Variants in C11orf65 observed in about 807,000 individuals in gnomAD.
The protein encoded by C11orf65 is protein MFI.
Under a neutral mutation model 35.3 loss-of-function variants are expected in C11orf65, and 38 were observed. That is an observed-to-expected ratio of 1.08 (90% CI 0.83 to 1.41). C11orf65 has a LOEUF of 1.41. Among genes scored for constraint, C11orf65 ranks in the 40% most tolerant of loss-of-function variants. C11orf65 has a pLI of 0.00. For synonymous variants in C11orf65, 105 were observed against 114.4 expected, an observed-to-expected ratio of 0.92 and a Z score of 0.53; for missense variants, 370 against 367.1, an observed-to-expected ratio of 1.01 and a Z score of -0.06.
intron 3 of C11orf65, among the ~76,000 whole-genome samples, chr11:108,426,895 T>C (rs560820034): frequency 6.6e-6 from 1 of 152,120 alleles, no homozygotes; most frequent in South Asian, 2.1e-4. Flanking sequence ...TCTTTGACAC[T>C]ATCTCATTTT....
chr11:108,377,007 G>C (rs1163844067), intron 2 of C11orf65, among the ~76,000 whole-genome samples: 1 of 151,592 alleles, frequency 6.6e-6, no homozygotes, highest in Non-Finnish European at 1.5e-5. Flanking sequence ...CAACAAAAAA[G>C]AGTCCAGGAC....
chr11:108,316,228 ATC>A, intron 6 of C11orf65: 3 of 1,041,662 alleles, frequency 2.9e-6, no homozygotes, highest in Non-Finnish European at 4.4e-6. Flanking sequence ...ACTAGAACTT[ATC>A]TGTTTTTCAG....
chr11:108,382,336 A>G (rs2091882281), downstream of C11orf65, among the ~76,000 whole-genome samples: 1 of 152,200 alleles, frequency 6.6e-6, no homozygotes, highest in Non-Finnish European at 1.5e-5. Context: ...CATGCAGAGT[A>G]GTGAAGGCAA....
At chr11:108,400,487 T>C (rs1441702806) in intron 6 of C11orf65, among the ~76,000 whole-genome samples, 1 of 152,164 alleles carries the variant, frequency 6.6e-6, no homozygotes, top group Non-Finnish European at 1.5e-5. Context: ...GCAGGAAAGG[T>C]GATGTATCTT....
intron 8 of C11orf65, among the ~76,000 whole-genome samples, chr11:108,385,718 T>G (rs574664917): frequency 1.3e-5 from 2 of 152,278 alleles, no homozygotes; most frequent in South Asian, 4.1e-4. Context: ...AAAATCACTT[T>G]ATTCAAACTT....
At chr11:108,341,986 C>T (rs1194448678) in intron 2 of C11orf65, among the ~76,000 whole-genome samples, 1 of 152,214 alleles carries the variant, frequency 6.6e-6, no homozygotes, top group African/African-American at 2.4e-5. Flanking sequence ...CTAGAGCAGA[C>T]TTGTCCAACC....
intron 7 of C11orf65, 77 bp downstream of exon 7, chr11:108,393,131 C>T (rs2092207471): frequency 3.5e-6 from 5 of 1,425,594 alleles, no homozygotes; most frequent in South Asian, 1.6e-5. Context: ...CCCCAAGATT[C>T]AACAAGGAAA....
intron 2 of C11orf65, among the ~76,000 whole-genome samples, chr11:108,352,231 C>A (rs2089296911): frequency 6.6e-6 from 1 of 152,024 alleles, no homozygotes; most frequent in South Asian, 2.1e-4. Context: ...TTTAAAGCAG[C>A]CATCATAAAA....
Position 108,325,606 on chromosome 11 carries a change from CAGAA to C in C11orf65, c.641-16539_641-16536del, listed in dbSNP as rs1214690541. 1.6e-5 allele frequency: 22 copies of C among 1,367,980 alleles called. No individual in the cohort carries two copies. The African/African-American group carries it at 1.7e-4, about 11-fold the overall frequency. The allele number at this position is 1,367,980 out of a possible 1,614,324, so 84.7% of individuals were successfully genotyped here. A position where few individuals can be genotyped will look rare whatever the true frequency, so the allele number is the denominator to read the frequency against. ...GACTTTCCTTTTATTATTTAAAAAA[CAGAA>C]AGCCTGAGGGAAAAAGAAATGTCAT... is the stretch of plus-strand genomic sequence containing the variant. On this transcript the variant is annotated intron_variant, in intron 6 of 6. Transcript: ENST00000525729.
chr11:108,432,066 C>T (rs758781679), intron 2 of C11orf65, among the ~76,000 whole-genome samples: 2 of 152,102 alleles, frequency 1.3e-5, no homozygotes, highest in African/African-American at 2.4e-5. Flanking sequence ...TGCATCACTA[C>T]CAACTATAAA....
At chr11:108,370,289 A>G (rs932317957) in intron 2 of C11orf65, among the ~76,000 whole-genome samples, 1 of 151,928 alleles carries the variant, frequency 6.6e-6, no homozygotes, top group Admixed American at 6.6e-5. Flanking sequence ...CTATCCAGTA[A>G]CCACAGTAAG....
chr11:108,460,942 C>T (rs1271453768), intron 2 of C11orf65, among the ~76,000 whole-genome samples: 2 of 152,016 alleles, frequency 1.3e-5, no homozygotes, highest in Non-Finnish European at 2.9e-5. Flanking sequence ...TCAGGCTGGT[C>T]TCAAACTCCC....
At chr11:108,375,335 A>G (rs1257860122) in intron 2 of C11orf65, among the ~76,000 whole-genome samples, 1 of 151,906 alleles carries the variant, frequency 6.6e-6, no homozygotes, top group Non-Finnish European at 1.5e-5. Context: ...AATATTCAAC[A>G]TTCTTAAAGA....
chr11:108,459,652 A>G (rs986261367), intron 2 of C11orf65, among the ~76,000 whole-genome samples: 8 of 151,050 alleles, frequency 5.3e-5, no homozygotes, highest in African/African-American at 1.9e-4. Flanking sequence ...TCTCTTTGTT[A>G]TGGATTAACC....
At chr11:108,373,718 G>A (rs190731840) in intron 2 of C11orf65, among the ~76,000 whole-genome samples, 7 of 152,382 alleles carry the variant, frequency 4.6e-5, no homozygotes, top group Admixed American at 3.9e-4. Context: ...GAAGCAGGGC[G>A]TGGCATCGCA....
At chr11:108,330,446 C>G (rs2136467037), downstream of C11orf65, 1 of 1,610,592 alleles carries the variant, frequency 6.2e-7, no homozygotes, top group Non-Finnish European at 8.5e-7. Flanking sequence ...GCCCAATATT[C>G]TACCCTGTGC....
chr11:108,364,722 T>C (rs1056804203), intron 2 of C11orf65, among the ~76,000 whole-genome samples: 8 of 152,202 alleles, frequency 5.3e-5, no homozygotes, highest in African/African-American at 1.9e-4. Context: ...TGAGACAGCC[T>C]GGGCTGAGGA....
At chr11:108,378,049 A>C (rs1054175784), downstream of C11orf65, among the ~76,000 whole-genome samples, 5 of 151,232 alleles carry the variant, frequency 3.3e-5, no homozygotes, top group Admixed American at 1.3e-4. Context: ...GAAAATGGCC[A>C]TACTGCCCAA....
At chr11:108,398,658 C>G (rs1041712971) in intron 6 of C11orf65, among the ~76,000 whole-genome samples, 6 of 152,178 alleles carry the variant, frequency 3.9e-5, no homozygotes, top group African/African-American at 1.4e-4. Context: ...GGTGCTTCAG[C>G]AAGTCATGCC....
Sources: allele counts gnomAD v4.1 joint callset (sites outside exome capture counted in the v4.1 genomes callset), GRCh38; gene constraint gnomAD v4.1.1; transcripts MANE v1.5; gene names NCBI Gene and HGNC (gene_info 2026-07-23, HGNC 2026-07-21).